Variants in REDIC1 observed in about 807,000 individuals in gnomAD.
REDIC1 encodes regulator of DNA class I crossover intermediates 1.
chr12:39,842,863 T>C, the REDIC1 span, among the ~76,000 whole-genome samples: 19 of 152,180 alleles, frequency 1.2e-4, no homozygotes, highest in South Asian at 3.3e-3. Context: ...AATGTAATTA[T>C]ACAATGTGCT....
chr12:39,717,164 A>G, the REDIC1 span, among the ~76,000 whole-genome samples: 1 of 136,216 alleles, frequency 7.3e-6, no homozygotes, highest in Non-Finnish European at 1.5e-5. Flanking sequence ...ACACACATAC[A>G]CACACACACA....
At chr12:39,628,878 G>A in the REDIC1 span, among the ~76,000 whole-genome samples, 1 of 152,062 alleles carries the variant, frequency 6.6e-6, no homozygotes, top group Non-Finnish European at 1.5e-5. Flanking sequence ...TTTACTGATG[G>A]GGAAACTGAA....
chr12:39,711,580 CAT>C, the REDIC1 span, among the ~76,000 whole-genome samples: 1 of 57,920 alleles, frequency 1.7e-5, no homozygotes, highest in South Asian at 4.6e-4. Context: ...TGTGCATACA[CAT>C]GCATGTGTAT....
the REDIC1 span, among the ~76,000 whole-genome samples, chr12:39,841,556 C>A: frequency 6.6e-6 from 1 of 151,910 alleles, no homozygotes; most frequent in Non-Finnish European, 1.5e-5. Context: ...AAATGTATAT[C>A]TATATACATA....
chr12:39,652,183 T>C, the REDIC1 span, among the ~76,000 whole-genome samples: 1 of 152,182 alleles, frequency 6.6e-6, no homozygotes, highest in Admixed American at 6.5e-5. Flanking sequence ...AGTTTTTGCC[T>C]ATTCCAAATA....
the REDIC1 span, among the ~76,000 whole-genome samples, chr12:39,889,679 C>A: frequency 6.6e-6 from 1 of 151,696 alleles, no homozygotes; most frequent in Non-Finnish European, 1.5e-5. Flanking sequence ...ACTACAGGTG[C>A]CCACCACCAC....
At chr12:39,887,892 T>C in the REDIC1 span, among the ~76,000 whole-genome samples, 1 of 152,090 alleles carries the variant, frequency 6.6e-6, no homozygotes, top group Non-Finnish European at 1.5e-5. Context: ...GGGAGAGAGA[T>C]GGTTTGAACA....
At chr12:39,896,031 CATATGT>C in the REDIC1 span, among the ~76,000 whole-genome samples, 1 of 138,908 alleles carries the variant, frequency 7.2e-6, no homozygotes, top group Non-Finnish European at 1.6e-5. Context: ...TACATACATG[CATATGT>C]TTATATACGC....
chr12:39,711,955 A>C, the REDIC1 span, among the ~76,000 whole-genome samples: 67 of 129,848 alleles, frequency 5.2e-4, 1 homozygote, highest in African/African-American at 1.8e-3. Flanking sequence ...GTATACATAC[A>C]TATATATCTA....
At chr12:39,858,587 A>G in the REDIC1 span, among the ~76,000 whole-genome samples, 4 of 152,154 alleles carry the variant, frequency 2.6e-5, no homozygotes, top group African/African-American at 9.7e-5. Flanking sequence ...AAGAGGGGCT[A>G]ATAGGGTTTT....
chr12:39,714,613 A>C, the REDIC1 span, among the ~76,000 whole-genome samples: 5 of 151,698 alleles, frequency 3.3e-5, no homozygotes, highest in Non-Finnish European at 5.9e-5. Flanking sequence ...TGGTAGTTCT[A>C]CTTTTAGTTC....
chr12:39,883,391 C>T, the REDIC1 span, among the ~76,000 whole-genome samples: 462 of 152,244 alleles, frequency 3.0e-3, 2 homozygotes, highest in African/African-American at 0.011. Flanking sequence ...CAGAAAATGA[C>T]TACATATGAC....
chr12:39,664,061 G>A, the REDIC1 span, among the ~76,000 whole-genome samples: 4 of 151,062 alleles, frequency 2.6e-5, no homozygotes, highest in Non-Finnish European at 5.9e-5. Context: ...CTTGTTTTTA[G>A]AATTATTTGT....
chr12:39,762,905 A>AT, the REDIC1 span, among the ~76,000 whole-genome samples: 6 of 103,702 alleles, frequency 5.8e-5, no homozygotes, highest in African/African-American at 2.3e-4. Flanking sequence ...TTTAAATTTC[A>AT]TTACTGTTGC....
At chr12:39,746,634 T>G in the REDIC1 span, among the ~76,000 whole-genome samples, 1 of 152,192 alleles carries the variant, frequency 6.6e-6, no homozygotes, top group Non-Finnish European at 1.5e-5. Flanking sequence ...CCTCCTCAGG[T>G]GGGTCCCTGA....
chr12:39,834,112 G>C, the REDIC1 span, among the ~76,000 whole-genome samples: 1 of 151,718 alleles, frequency 6.6e-6, no homozygotes, highest in Non-Finnish European at 1.5e-5. Context: ...GTTTTCCCTG[G>C]GTGCAATCTT....
At chr12:39,720,851 C>G in the REDIC1 span, 1 of 1,612,850 alleles carries the variant, frequency 6.2e-7, no homozygotes, top group Non-Finnish European at 8.5e-7. Context: ...ACCATCAAAA[C>G]CAAGGAAAAA....
the REDIC1 span, among the ~76,000 whole-genome samples, chr12:39,708,003 AG>A: frequency 1.3e-5 from 2 of 151,788 alleles, no homozygotes; most frequent in Admixed American, 6.6e-5. Flanking sequence ...TGGTTACTAG[AG>A]GCTAGGAAAG....
At chr12:39,737,128 C>CT in the REDIC1 span, among the ~76,000 whole-genome samples, 19 of 152,222 alleles carry the variant, frequency 1.2e-4, no homozygotes, top group African/African-American at 4.1e-4. Context: ...CCAAATAATG[C>CT]TTTTTTCCAC....
Sources: gnomAD v4.1 joint callset for allele counts (sites outside exome capture counted in the v4.1 genomes callset) on GRCh38, gnomAD v4.1.1 for gene constraint, MANE v1.5 for transcripts, NCBI Gene and HGNC (gene_info 2026-07-23, HGNC 2026-07-21) for gene names.